Variants in ESRRB observed in about 807,000 individuals in gnomAD.
ESRRB encodes estrogen related receptor beta, also known as steroid hormone receptor ERR2.
Under a neutral mutation model 46.0 loss-of-function variants are expected in ESRRB, and 16 were observed. The observed-to-expected ratio is 0.35, with a 90% CI of 0.24 to 0.53. ESRRB has a LOEUF of 0.53. Among genes scored for constraint, ESRRB ranks in the 20% least tolerant of loss-of-function variants. ESRRB has a pLI of 0.93. For synonymous variants in ESRRB, 246 were observed against 259.6 expected, an observed-to-expected ratio of 0.95 and a Z score of 0.50; for missense variants, 488 against 607.4, an observed-to-expected ratio of 0.80 and a Z score of 2.07.
chr14:76,317,215 C>A (rs185935849), intron 1 of ESRRB, among the ~76,000 whole-genome samples: 8 of 152,202 alleles, frequency 5.3e-5, no homozygotes, highest in Admixed American at 3.9e-4. Context: ...GTCTAGGCAT[C>A]TCTTGGGGAC....
intron 1 of ESRRB, among the ~76,000 whole-genome samples, chr14:76,313,812 T>C (rs1229018990): frequency 6.6e-6 from 1 of 152,234 alleles, no homozygotes; most frequent in African/African-American, 2.4e-5. Context: ...TCCCTCCTGC[T>C]TTCCCTCCCC....
upstream of ESRRB, among the ~76,000 whole-genome samples, chr14:76,374,085 G>A (rs991788379): frequency 1.3e-5 from 2 of 152,082 alleles, no homozygotes; most frequent in South Asian, 2.1e-4. Flanking sequence ...CCTGGGCAGC[G>A]GCCTGTCACT....
chr14:76,480,230 C>T (rs1185032812), intron 3 of ESRRB, among the ~76,000 whole-genome samples: 2 of 152,146 alleles, frequency 1.3e-5, no homozygotes, highest in South Asian at 2.1e-4. Flanking sequence ...GACTAAAAAA[C>T]GTTTAGCACC....
chr14:76,462,161 TGTG>T lies in ESRRB; in HGVS notation c.461-360_461-358del, dbSNP rs61608653. Among the ~76,000 whole-genome samples the T allele has an allele frequency of 1.9e-3, 281 of 151,440 alleles. 2 individuals are homozygous for T. Among genetic ancestry groups the T allele is most frequent in the African/African-American group, 6.1e-3 (253 of 41,282 alleles). ...TCCCAGGCTGGAGGCTGGAGGAGCC[TGTG>T]GTGGTGGTGGTGGTGGTGGTGGTAG... On this transcript the variant is annotated intron_variant, in intron 2 of 6. Transcript: ENST00000644823.
At chr14:76,398,009 A>G (rs1234410173) in intron 1 of ESRRB, among the ~76,000 whole-genome samples, 2 of 152,246 alleles carry the variant, frequency 1.3e-5, no homozygotes, top group Non-Finnish European at 2.9e-5. Context: ...GGATGGGCAC[A>G]TGCAGGGCCT....
chr14:76,480,258 G>A (rs190772641), intron 3 of ESRRB, among the ~76,000 whole-genome samples: 62 of 152,292 alleles, frequency 4.1e-4, no homozygotes, highest in Admixed American at 1.4e-3. Context: ...AATACACCAG[G>A]TTGTGGGGTT....
At chr14:76,417,581 G>A (rs911276939) in intron 1 of ESRRB, among the ~76,000 whole-genome samples, 2 of 152,190 alleles carry the variant, frequency 1.3e-5, no homozygotes, top group Non-Finnish European at 2.9e-5. Context: ...TGTGTTTGCA[G>A]CGAACACGCA....
intron 1 of ESRRB, among the ~76,000 whole-genome samples, chr14:76,326,051 C>G (rs960542326): frequency 1.3e-5 from 2 of 152,206 alleles, no homozygotes; most frequent in Non-Finnish European, 2.9e-5. Context: ...ACCCTCACTC[C>G]ACATGCCCGG....
intron 1 of ESRRB, among the ~76,000 whole-genome samples, chr14:76,399,487 C>T (rs1885843704): frequency 6.6e-6 from 1 of 152,174 alleles, no homozygotes; most frequent in Non-Finnish European, 1.5e-5. Context: ...CTCGTTATGC[C>T]CTCAGAGCCC....
At chr14:76,430,742 G>T (rs545510973) in intron 1 of ESRRB, among the ~76,000 whole-genome samples, 39 of 152,206 alleles carry the variant, frequency 2.6e-4, no homozygotes, top group Non-Finnish European at 5.1e-4. Context: ...GAACTGGCAC[G>T]TCTGCTACCA....
At chr14:76,332,807 A>G in intron 1 of ESRRB, among the ~76,000 whole-genome samples, 1 of 27,448 alleles carries the variant, frequency 3.6e-5, no homozygotes, top group African/African-American at 1.4e-4. Context: ...TAATATATTT[A>G]TATATTATAT....
chr14:76,362,524 C>T lies in ESRRB; in HGVS notation c.2+51608C>T, dbSNP rs150995458. Among the ~76,000 whole-genome samples, 23 of 152,326 alleles carry T rather than the reference C, an allele frequency of 1.5e-4. No individual in the cohort carries two copies. In the East Asian group the frequency reaches 4.2e-3, roughly 28 times the overall value. On this transcript the variant is annotated intron_variant, in intron 1 of 6. Transcript: ENST00000512784. The stretch of plus-strand genomic sequence containing the variant: ...CCAGCCTCATCCTGGTAGCAAAGGA[C>T]ACCGAACAGGAAACAAGGGTGTTTG...
intron 2 of ESRRB, among the ~76,000 whole-genome samples, chr14:76,454,129 G>C (rs1226926699): frequency 6.6e-6 from 1 of 152,142 alleles, no homozygotes; most frequent in African/African-American, 2.4e-5. Flanking sequence ...GGGTGGCAAT[G>C]GGTGTCTGCT....
intron 1 of ESRRB, among the ~76,000 whole-genome samples, chr14:76,421,772 C>T (rs1886965422): frequency 6.6e-6 from 1 of 152,172 alleles, no homozygotes; most frequent in Non-Finnish European, 1.5e-5. Flanking sequence ...CCCCTCCAGT[C>T]CCCCTGTCAC....
intron 1 of ESRRB, among the ~76,000 whole-genome samples, chr14:76,328,011 G>A (rs1566852043): frequency 6.6e-6 from 1 of 152,218 alleles, no homozygotes. Context: ...ACTGTGCCCG[G>A]CCATACCTGT....
chr14:76,392,516 G>A (rs1020429095), intron 1 of ESRRB, among the ~76,000 whole-genome samples: 1 of 152,226 alleles, frequency 6.6e-6, no homozygotes, highest in Non-Finnish European at 1.5e-5. Flanking sequence ...CAGGATGCAT[G>A]TCCAAGTCTG....
intron 1 of ESRRB, among the ~76,000 whole-genome samples, chr14:76,395,880 A>C (rs896462151): frequency 2.0e-5 from 3 of 151,634 alleles, no homozygotes; most frequent in Non-Finnish European, 1.5e-5. Context: ...TTTGGCATTA[A>C]AAAGAGGCCT....
rs569636496 is a variant in ESRRB, at chr14:76,500,290, C to T, written c.*1832C>T. The T allele has an allele frequency of 2.7e-4, 161 of 595,990 alleles. 1 individual carries two copies. The highest frequency in any genetic ancestry group is 5.2e-4 in the South Asian group (25 of 47,990). 36.9% of individuals were successfully genotyped at this position (595,990 alleles called of 1,614,324 possible). A position where few individuals can be genotyped will look rare whatever the true frequency, so the allele number is the denominator to read the frequency against. On this transcript the variant is annotated 3_prime_UTR_variant, in exon 7 of 7. Transcript: ENST00000644823. ...CTCCCAGACCAGTGATGTGTCCCTC[C>T]GGCTCCCCTTGCCTGTGGGGAATCG...
intron 1 of ESRRB, among the ~76,000 whole-genome samples, chr14:76,334,024 G>A (rs1291208611): frequency 6.6e-6 from 1 of 152,168 alleles, no homozygotes; most frequent in African/African-American, 2.4e-5. Flanking sequence ...CCTTGGAGTT[G>A]TTAGGAGAAC....
Sources: allele counts gnomAD v4.1 joint callset (sites outside exome capture counted in the v4.1 genomes callset), GRCh38; gene constraint gnomAD v4.1.1; transcripts MANE v1.5; gene names NCBI Gene and HGNC (gene_info 2026-07-23, HGNC 2026-07-21).